PDE1A: variants seen among roughly 807,000 people sequenced by gnomAD.
PDE1A encodes the protein phosphodiesterase 1A.
A neutral mutation model predicts 61.7 loss-of-function variants in PDE1A; 35 were observed. The observed-to-expected ratio is 0.57, with a 90% confidence interval of 0.43 to 0.75. The LOEUF (loss-of-function observed/expected upper bound fraction) is 0.75, where lower values mean the gene tolerates loss of function less well. PDE1A is among the 30% of genes least tolerant of loss of function. The probability of loss-of-function intolerance (pLI) is 0.00; values close to 1 mark genes in which losing one functional copy is unlikely to be tolerated. For synonymous variants in PDE1A, 232 were observed against 213.2 expected (o/e 1.09, Z -0.77); for missense variants, 597 against 630.6 (o/e 0.95, Z 0.57).
At chr2:182,531,083 A>G in the PDE1A span, among the ~76,000 whole-genome samples, 1 of 151,870 alleles carries the variant, frequency 6.6e-6, no homozygotes, top group African/African-American at 2.4e-5. Flanking sequence ...AGCTATGCAT[A>G]GATAGTGATA....
intron 7 of PDE1A, among the ~76,000 whole-genome samples, chr2:182,209,125 T>A (rs909109072): frequency 3.3e-5 from 5 of 152,116 alleles, no homozygotes; most frequent in African/African-American, 9.7e-5. Context: ...GATAAAGACA[T>A]ACCCAGGACT....
At chr2:182,453,588 C>T (rs1192215170) in intron 2 of PDE1A, among the ~76,000 whole-genome samples, 3 of 152,094 alleles carry the variant, frequency 2.0e-5, no homozygotes, top group Non-Finnish European at 2.9e-5. Flanking sequence ...TGGGCTTCAT[C>T]CCTGGGATGC....
At chr2:182,163,862 A>G (rs866573546), downstream of PDE1A, among the ~76,000 whole-genome samples, 6 of 152,262 alleles carry the variant, frequency 3.9e-5, no homozygotes, top group East Asian at 1.9e-4. Context: ...AAGAGCTCCA[A>G]TGGTCCTTGC....
rs1426283587 is a variant in PDE1A at position 182,198,142 on chromosome 2, ATT to A, written c.1125+3295_1125+3296del. ...AATTAAAGGTTTCCCCCAAAATTTTATTATTTTATGCTGTTATAAAGCATACT... is the reference window on the plus strand; with the variant it reads ...AATTAAAGGTTTCCCCCAAAATTTTAATTTTATGCTGTTATAAAGCATACT... On this transcript the variant is annotated intron_variant, in intron 10 of 13. Transcript: ENST00000351439. 2.7e-3 allele frequency among the ~76,000 whole-genome samples: 407 copies of A among 151,932 alleles called. 1 individual carries two copies. Among genetic ancestry groups the A allele is most frequent in the African/African-American group, 9.6e-3 (398 of 41,546 alleles).
intron 1 of PDE1A, among the ~76,000 whole-genome samples, chr2:182,390,169 T>C (rs1457543683): frequency 3.3e-5 from 5 of 152,170 alleles, no homozygotes; most frequent in Admixed American, 6.5e-5. Flanking sequence ...CTCTAGAGAA[T>C]CTAGACTAAC....
At chr2:182,374,678 C>A (rs1185963486) in intron 1 of PDE1A, among the ~76,000 whole-genome samples, 1 of 152,040 alleles carries the variant, frequency 6.6e-6, no homozygotes, top group Non-Finnish European at 1.5e-5. Flanking sequence ...AAACACTTCA[C>A]AAAATAAGAC....
upstream of PDE1A, among the ~76,000 whole-genome samples, chr2:182,527,557 A>G (rs1213310714): frequency 6.6e-6 from 1 of 150,916 alleles, no homozygotes; most frequent in Admixed American, 6.6e-5. Flanking sequence ...CCCCATGTCA[A>G]AAAAAGAAAA....
the PDE1A span, chr2:182,716,172 GCCGCAGCGCCCGCTGGGC>G: frequency 6.6e-6 from 1 of 152,330 alleles, no homozygotes; most frequent in African/African-American, 2.4e-5. Flanking sequence ...CCACCCCACC[GCCGCAGCGCCCGCTGGGC>G]CCGCAGCGGG....
chr2:182,453,387 C>A (rs1186958517), intron 2 of PDE1A, among the ~76,000 whole-genome samples: 2 of 151,804 alleles, frequency 1.3e-5, no homozygotes, highest in Admixed American at 6.6e-5. Context: ...ACACATGATG[C>A]CCGATTTGGT....
chr2:182,482,257 T>C (rs751971240), intron 2 of PDE1A, among the ~76,000 whole-genome samples: 21 of 151,968 alleles, frequency 1.4e-4, no homozygotes, highest in Non-Finnish European at 2.1e-4. Flanking sequence ...TTTTAGGTTA[T>C]CACCTAGTTT....
rs190938207 is a variant in PDE1A, at chr2:182,372,448, A to G, written c.53+54130T>C. On this transcript the variant is annotated intron_variant, in intron 1 of 13. Coordinates refer to ENST00000351439, the Ensembl canonical transcript of PDE1A. The stretch of plus-strand genomic sequence containing the variant: ...AATTTTCTCTTTTAAAAGGCATTTT[A>G]AAGAAAAACTTTGAACATGTCACAG... Among the ~76,000 whole-genome samples the G allele has an allele frequency of 5.0e-3, 758 of 152,350 alleles. 5 individuals carry two copies. The highest frequency in any genetic ancestry group is 0.013 in the South Asian group (65 of 4,834).
the PDE1A span, among the ~76,000 whole-genome samples, chr2:182,695,733 G>T: frequency 1.3e-5 from 2 of 151,286 alleles, no homozygotes; most frequent in African/African-American, 4.9e-5. Context: ...AGCCACAACT[G>T]GGAGGAAATA....
the PDE1A span, among the ~76,000 whole-genome samples, chr2:182,557,028 C>T: frequency 1.3e-5 from 2 of 152,210 alleles, no homozygotes; most frequent in African/African-American, 4.8e-5. Context: ...GGCACGGTGG[C>T]TCATGCCTGT....
the PDE1A span, among the ~76,000 whole-genome samples, chr2:182,596,520 T>C: frequency 5.6e-4 from 86 of 152,344 alleles, no homozygotes; most frequent in Non-Finnish European, 9.7e-4. Flanking sequence ...GCGATACTCT[T>C]CAATAATTGG....
At chr2:182,144,809 G>A (rs1222130418), downstream of PDE1A, among the ~76,000 whole-genome samples, 3 of 152,102 alleles carry the variant, frequency 2.0e-5, no homozygotes, top group East Asian at 5.8e-4. Context: ...AAAAACTTTG[G>A]GCCAATAGGA....
At chr2:182,155,717 C>A (rs1691042002) in intron 13 of PDE1A, among the ~76,000 whole-genome samples, 1 of 152,096 alleles carries the variant, frequency 6.6e-6, no homozygotes, top group African/African-American at 2.4e-5. Context: ...AGGAGAAACC[C>A]CGTCTCTACT....
At chr2:182,642,923 C>A in the PDE1A span, among the ~76,000 whole-genome samples, 1 of 152,134 alleles carries the variant, frequency 6.6e-6, no homozygotes, top group Non-Finnish European at 1.5e-5. Context: ...CTTCTGGAGG[C>A]AGGAACAAAC....
rs549057516 is a variant in PDE1A at position 182,365,875 on chromosome 2, G to A, written c.53+60703C>T. Among the ~76,000 whole-genome samples, 6 of 152,062 alleles carry A rather than the reference G, an allele frequency of 3.9e-5. No individual in the cohort carries two copies. The South Asian group carries it at 1.2e-3, about 31-fold the overall frequency. On this transcript the variant is annotated intron_variant, in intron 1 of 13. Transcript: ENST00000351439. Reference sequence around the variant, plus strand: ...ATAAAAGTGACTAAAACTTATTAAAGGGCTTTGTACCCCACAAACATTCAA... The same window carrying A: ...ATAAAAGTGACTAAAACTTATTAAAAGGCTTTGTACCCCACAAACATTCAA...
intron 1 of PDE1A, among the ~76,000 whole-genome samples, chr2:182,364,860 T>G (rs1699748846): frequency 6.6e-6 from 1 of 152,038 alleles, no homozygotes; most frequent in Non-Finnish European, 1.5e-5. Flanking sequence ...AGACATTGTA[T>G]TCAGTTAACA....
Sources: gnomAD v4.1 joint callset for allele counts (sites outside exome capture counted in the v4.1 genomes callset) on GRCh38, gnomAD v4.1.1 for gene constraint, MANE v1.5 for transcripts, NCBI Gene and HGNC (gene_info 2026-07-23, HGNC 2026-07-21) for gene names.